The following PLEKHA6 variants were observed in gnomAD, a reference collection of about 807,000 sequenced individuals.
The protein encoded by PLEKHA6 is pleckstrin homology domain-containing family A member 6.
A neutral mutation model predicts 116.7 loss-of-function variants in PLEKHA6; 60 were observed. The observed-to-expected ratio is 0.51, with a 90% CI of 0.42 to 0.64. The LOEUF is 0.64. Ranked by LOEUF, PLEKHA6 falls within the 30% of genes least tolerant of loss-of-function variation. The pLI is 0.00. For missense variants in PLEKHA6, 1,338 were observed against 1,422.7 expected (o/e 0.94, Z 0.96); for synonymous variants, 489 against 556.1 (o/e 0.88, Z 1.70).
chr1:204,358,797 A>C (rs577627415), intron 1 of PLEKHA6, among the ~76,000 whole-genome samples: 1 of 150,842 alleles, frequency 6.6e-6, no homozygotes, highest in Non-Finnish European at 1.5e-5. Context: ...CCGGTTCTCC[A>C]TCTCTGCTCT....
intron 1 of PLEKHA6, among the ~76,000 whole-genome samples, chr1:204,340,771 C>T (rs1032961564): frequency 6.6e-6 from 1 of 152,160 alleles, no homozygotes; most frequent in East Asian, 1.9e-4. Flanking sequence ...GGTGCTGTTG[C>T]CTCCAGAGTT....
At chr1:204,300,768 A>G (rs1475600666) in intron 1 of PLEKHA6, among the ~76,000 whole-genome samples, 1 of 152,244 alleles carries the variant, frequency 6.6e-6, no homozygotes, top group Non-Finnish European at 1.5e-5. Flanking sequence ...TTATCAGCTG[A>G]ATGTCAATGG....
chr1:204,325,553 C>T (rs1021930805), intron 1 of PLEKHA6, among the ~76,000 whole-genome samples: 89 of 152,270 alleles, frequency 5.8e-4, no homozygotes, highest in African/African-American at 1.9e-3. Context: ...ACTAGGAGCC[C>T]GAATGCCCAG....
At chr1:204,305,473 T>C (rs966630072) in intron 1 of PLEKHA6, among the ~76,000 whole-genome samples, 2 of 152,194 alleles carry the variant, frequency 1.3e-5, no homozygotes, top group African/African-American at 4.8e-5. Context: ...GCAGGTAAAC[T>C]GAGAGACCCT....
chr1:204,251,523 G>A (rs982199905), intron 9 of PLEKHA6: 4 of 702,672 alleles, frequency 5.7e-6, no homozygotes, highest in African/African-American at 5.2e-5. Context: ...GCCAGGCAGA[G>A]GTCTTACTTG....
chr1:204,308,741 T>A (rs773789421), intron 1 of PLEKHA6, among the ~76,000 whole-genome samples: 1 of 127,046 alleles, frequency 7.9e-6, no homozygotes, highest in Admixed American at 1.0e-4. Flanking sequence ...CAGGCTGGAG[T>A]GCAGTGGCAC....
At chr1:204,270,853 C>T (rs1667375121) in intron 3 of PLEKHA6, among the ~76,000 whole-genome samples, 1 of 152,244 alleles carries the variant, frequency 6.6e-6, no homozygotes, top group Admixed American at 6.5e-5. Flanking sequence ...ACAGGCCCTG[C>T]TTCTGGTTCT....
chr1:204,367,503 A>G (rs114014717), intron 3 of PLEKHA6, among the ~76,000 whole-genome samples: 9,841 of 151,886 alleles, frequency 0.065, 391 homozygotes, highest in Middle Eastern at 0.13. Context: ...TCGTTCCTCT[A>G]CTTTGTTGAG....
At chr1:204,296,089 T>G (rs565641989) in intron 1 of PLEKHA6, among the ~76,000 whole-genome samples, 1 of 152,206 alleles carries the variant, frequency 6.6e-6, no homozygotes, top group Non-Finnish European at 1.5e-5. Flanking sequence ...AGATCTGGGT[T>G]TCTGGGGTCC....
intron 1 of PLEKHA6, among the ~76,000 whole-genome samples, chr1:204,318,802 A>G (rs752861954): frequency 5.9e-5 from 9 of 152,146 alleles, no homozygotes; most frequent in Non-Finnish European, 1.0e-4. Context: ...CATACCCTTT[A>G]TTCTGGAAGA....
chr1:204,246,054 G>A (rs1411750998), intron 13 of PLEKHA6, among the ~76,000 whole-genome samples: 9 of 152,140 alleles, frequency 5.9e-5, no homozygotes, highest in African/African-American at 2.2e-4. Flanking sequence ...AACACTTTAT[G>A]GTATCCTGTT....
intron 2 of PLEKHA6, among the ~76,000 whole-genome samples, chr1:204,370,374 C>T (rs1015185877): frequency 6.6e-6 from 1 of 152,226 alleles, no homozygotes; most frequent in African/African-American, 2.4e-5. Flanking sequence ...GTGTCCAGTC[C>T]GGTGAAGCGC....
intron 1 of PLEKHA6, among the ~76,000 whole-genome samples, chr1:204,355,620 A>T (rs1017082981): frequency 4.3e-4 from 65 of 150,478 alleles, no homozygotes; most frequent in African/African-American, 1.4e-3. Flanking sequence ...TTATATTTTT[A>T]ACAGAGATGG....
intron 22 of PLEKHA6, 114 bp from the exon 23 acceptor site, chr1:204,222,893 C>A (rs1659800616): frequency 6.5e-6 from 1 of 154,670 alleles, no homozygotes; most frequent in Non-Finnish European, 1.4e-5. Context: ...GAAACCCACT[C>A]CGGTCCCTCA....
chr1:204,242,812 G>A (rs1663021922), intron 15 of PLEKHA6, among the ~76,000 whole-genome samples: 1 of 152,188 alleles, frequency 6.6e-6, no homozygotes, highest in African/African-American at 2.4e-5. Context: ...TGGTCATGTT[G>A]GTAGGGAGTG....
At chr1:204,365,945 G>A (rs186095460) in intron 3 of PLEKHA6, among the ~76,000 whole-genome samples, 3 of 152,300 alleles carry the variant, frequency 2.0e-5, no homozygotes, top group East Asian at 1.9e-4. Context: ...TGGGCTAATC[G>A]AGAAGTCGGA....
chr1:204,317,997 A>G (rs535206237), intron 1 of PLEKHA6, among the ~76,000 whole-genome samples: 230 of 152,354 alleles, frequency 1.5e-3, no homozygotes, highest in Non-Finnish European at 2.2e-3. Flanking sequence ...TAAAAGTGTT[A>G]TTTCATACAC....
intron 17 of PLEKHA6, among the ~76,000 whole-genome samples, chr1:204,233,042 G>T (rs887065437): frequency 4.6e-5 from 7 of 152,020 alleles, no homozygotes; most frequent in Admixed American, 4.6e-4. Flanking sequence ...GGCTCAAATG[G>T]TCCTCCTGCC....
intron 1 of PLEKHA6, among the ~76,000 whole-genome samples, chr1:204,307,046 C>T (rs779084154): frequency 3.3e-5 from 5 of 152,030 alleles, no homozygotes; most frequent in Non-Finnish European, 7.4e-5. Flanking sequence ...AACATTTATG[C>T]AATATTCTTA....
Sources: allele counts gnomAD v4.1 joint callset (sites outside exome capture counted in the v4.1 genomes callset), GRCh38; gene constraint gnomAD v4.1.1; transcripts MANE v1.5; gene names NCBI Gene and HGNC (gene_info 2026-07-23, HGNC 2026-07-21).